THBS2: variants seen among roughly 807,000 people sequenced by gnomAD.
THBS2 encodes the protein thrombospondin 2, also known as thrombospondin-2.
In THBS2, 47 loss-of-function variants were observed where a neutral mutation model predicts 135.2. The ratio of observed to expected loss-of-function variants is 0.35; its 90% CI spans 0.28 to 0.44. THBS2 has a LOEUF of 0.44. Ranked by LOEUF, THBS2 falls within the 20% of genes least tolerant of loss-of-function variation. The pLI, the probability that THBS2 is intolerant of heterozygous loss-of-function variation, is 1.00. For missense variants in THBS2, 1,288 were observed against 1,603.1 expected, an observed-to-expected ratio of 0.80 and a Z score of 3.36; for synonymous variants, 639 against 633.8, an observed-to-expected ratio of 1.01 and a Z score of -0.12.
intron 15 of THBS2, 38 bp from the exon 16 acceptor site, chr6:169,226,336 C>G (rs1779628671): frequency 1.3e-6 from 2 of 1,521,686 alleles, no homozygotes; most frequent in Non-Finnish European, 1.8e-6. Context: ...CAAAAACAAA[C>G]CAGAAGGACA....
At chr6:169,220,093 T>G in intron 21 of THBS2, 105 bp downstream of exon 21, 1 of 1,416,034 alleles carries the variant, frequency 7.1e-7, no homozygotes, top group Non-Finnish European at 9.6e-7. Flanking sequence ...ATTAGGTTTA[T>G]TGCCCTGATG....
chr6:169,219,244 AGATGGATAGGTGGATGGGTGGGTG>A (rs1370084082), intron 21 of THBS2, among the ~76,000 whole-genome samples: 55 of 120,204 alleles, frequency 4.6e-4, no homozygotes, highest in African/African-American at 1.8e-3. Context: ...TGGATGGATT[AGATGGATAGGTGGATGGGTGGGTG>A]GATGGATGGA....
rs367985331 is a variant in THBS2, at chr6:169,241,861, C to T, written c.792G>A (p.Glu264=). Residue 264 remains glutamate (E), a synonymous_variant, in exon 5 of 22, where the codon GAG becomes GAA. Coordinates refer to ENST00000617924, the MANE Select transcript of THBS2 (RefSeq NM_003247.5). This position sits in a 1 kb window ranked among gnomAD's most constrained non-coding sequence, Gnocchi z 5.5. ...YVGPSSERRP[E]VCERSCEELG... ...GCTCCTCGCACGAGCGTTCGCACAC[C>T]TCGGGCCTCCTCTCCGAGCTGGGGC... 5 of 1,612,458 alleles carry T rather than the reference C, an allele frequency of 3.1e-6. No homozygotes were observed. The highest frequency in any genetic ancestry group is 1.7e-5 in the Admixed American group (1 of 60,000).
chr6:169,222,560 C>A, intron 18 of THBS2, 92 bp from the exon 19 acceptor site: 4 of 1,399,574 alleles, frequency 2.9e-6, no homozygotes, highest in Non-Finnish European at 3.0e-6. Flanking sequence ...TTTGAGAGGC[C>A]GAGGTGGGCA....
At chr6:169,222,808 GAAAA>G (rs757472145) in intron 18 of THBS2, among the ~76,000 whole-genome samples, 1 of 108,954 alleles carries the variant, frequency 9.2e-6, no homozygotes, top group Non-Finnish European at 2.0e-5. Flanking sequence ...AAAAAAAAAA[GAAAA>G]AAAAGAAAAA....
chr6:169,244,662 C>T (rs756190073), intron 4 of THBS2, among the ~76,000 whole-genome samples: 30 of 151,894 alleles, frequency 2.0e-4, no homozygotes, highest in Non-Finnish European at 4.1e-4. Flanking sequence ...ATTATTGCAA[C>T]AAAAAGTACC....
intron 21 of THBS2, among the ~76,000 whole-genome samples, chr6:169,219,413 G>GAT (rs1562352343): frequency 6.6e-6 from 1 of 151,882 alleles, no homozygotes; most frequent in Non-Finnish European, 1.5e-5. Flanking sequence ...GGATGGATGA[G>GAT]ATATATGGGT....
chr6:169,247,838 TGGGTGCCCAC>T (rs1001359548), intron 3 of THBS2, among the ~76,000 whole-genome samples: 9 of 151,914 alleles, frequency 5.9e-5, no homozygotes, highest in Admixed American at 1.3e-4. Flanking sequence ...TGTATGTGCA[TGGGTGCCCAC>T]GTAGGGTGTG....
rs144388204 is a variant in THBS2, at chr6:169,239,798, C to T, written c.1033-103G>A. ...GGTCGACAGAATGGCTGAATGTTTT[C>T]CATCCTACGGACCATACATTACAGA... On this transcript the variant is annotated intron_variant, in intron 6 of 21. Coordinates refer to ENST00000617924, the MANE Select transcript of THBS2 (RefSeq NM_003247.5). 3.6e-4 allele frequency: 309 copies of T among 865,976 alleles called. 1 individual carries two copies. Among genetic ancestry groups the T allele is most frequent in the Non-Finnish European group, 5.4e-4 (292 of 540,434 alleles). The allele number at this position is 865,976 out of a possible 1,614,324, so 53.6% of individuals were successfully genotyped here.
At chr6:169,231,471 T>G (rs560788453) in intron 13 of THBS2, among the ~76,000 whole-genome samples, 21 of 152,250 alleles carry the variant, frequency 1.4e-4, no homozygotes, top group African/African-American at 4.8e-4. Flanking sequence ...CGGGCCGTGG[T>G]GTTCGTTCCA....
intron 9 of THBS2, among the ~76,000 whole-genome samples, chr6:169,236,298 CCA>C (rs769691922): frequency 8.3e-6 from 1 of 119,938 alleles, no homozygotes; most frequent in East Asian, 3.0e-4. Flanking sequence ...TCATTCCCAT[CCA>C]CAGTCACTCC....
At chr6:169,227,030 GC>G (rs1176886374) in intron 15 of THBS2, among the ~76,000 whole-genome samples, 1 of 152,182 alleles carries the variant, frequency 6.6e-6, no homozygotes, top group Non-Finnish European at 1.5e-5. Flanking sequence ...GAGCCGAGGA[GC>G]CCCCTGGCCA....
chr6:169,239,186 T>C lies in THBS2; in HGVS notation c.1129+413A>G, dbSNP rs145705154. ...GAACATATTCTTCGGATAACAGTCT[T>C]TGGTTTTTGTTTGTCTGATTTTCTA... is the stretch of plus-strand genomic sequence containing the variant. On this transcript the variant is annotated intron_variant, in intron 7 of 21. Coordinates refer to ENST00000617924, the MANE Select transcript of THBS2 (RefSeq NM_003247.5). 294 of 175,860 alleles carry C rather than the reference T, an allele frequency of 1.7e-3. 2 individuals are homozygous for C. Among genetic ancestry groups the C allele is most frequent in the African/African-American group, 6.7e-3 (283 of 42,306 alleles). The allele number at this position is 175,860 out of a possible 1,614,324, so 10.9% of individuals were successfully genotyped here. A position where few individuals can be genotyped will look rare whatever the true frequency, so the allele number is the denominator to read the frequency against.
At chr6:169,232,253 C>T (rs1471023299) in intron 12 of THBS2, 55 bp from the exon 13 acceptor site, 18 of 1,591,688 alleles carry the variant, frequency 1.1e-5, no homozygotes, top group Admixed American at 1.0e-4. Flanking sequence ...GCTCCGGAGG[C>T]GTCGAGGCGG....
At chr6:169,248,277 G>T in intron 3 of THBS2, 140 bp downstream of exon 3, 1 of 993,088 alleles carries the variant, frequency 1.0e-6, no homozygotes, top group African/African-American at 1.6e-5. Flanking sequence ...ATGTGTGTGA[G>T]CACATGCCGG....
rs577401935 is a variant in THBS2, at chr6:169,241,850, C to T, written c.803G>A (p.Arg268His). 8.7e-6 allele frequency: 14 copies of T among 1,612,642 alleles called. No homozygotes were observed. The highest frequency in any genetic ancestry group is 2.2e-5 in the East Asian group (1 of 44,868). The change falls in exon 5 of 22, where the codon CGC (arginine) becomes CAC (histidine). Residue 268 changes from arginine (R) to histidine (H), a missense_variant. Physicochemically the swap from Arg to His is conservative, Grantham distance 29 (BLOSUM62 0). Transcript: ENST00000617924. The surrounding 1 kb of genome is among the most constrained non-coding windows in gnomAD (Gnocchi z 5.5). ...SSERRPEVCE[R>H]SCEELGNMVQ... ...CATGTTTCCCAGCTCCTCGCACGAGCGTTCGCACACCTCGGGCCTCCTCTC... is the reference window on the plus strand; with the variant it reads ...CATGTTTCCCAGCTCCTCGCACGAGTGTTCGCACACCTCGGGCCTCCTCTC...
intron 17 of THBS2, 142 bp downstream of exon 17, chr6:169,225,003 A>G (rs1402970363): frequency 1.5e-5 from 12 of 781,938 alleles, no homozygotes; most frequent in Non-Finnish European, 2.3e-5. Context: ...TATTGCATGG[A>G]CCCACAGCTT....
rs1295043272 is a variant in THBS2 at position 169,253,831 on chromosome 6, TC to T, written c.-131del. ...AGACCGGCCCTGCAGTGCAGGATGC[TC>T]CGGTGGACGTGGCCGAGCGGCTCCC... On this transcript the variant is annotated 5_prime_UTR_variant, in exon 1 of 22. Coordinates refer to ENST00000617924, the MANE Select transcript of THBS2 (RefSeq NM_003247.5). 2.0e-5 allele frequency: 3 copies of T among 152,252 alleles called. No individual in the cohort carries two copies. The highest frequency in any genetic ancestry group is 7.2e-5 in the African/African-American group (3 of 41,456). The allele number at this position is 152,252 out of a possible 1,614,324, so 9.4% of individuals were successfully genotyped here. A position where few individuals can be genotyped will look rare whatever the true frequency, so the allele number is the denominator to read the frequency against.
At chr6:169,251,553 G>T (rs1294409607) in intron 1 of THBS2, among the ~76,000 whole-genome samples, 1 of 152,160 alleles carries the variant, frequency 6.6e-6, no homozygotes, top group Non-Finnish European at 1.5e-5. Flanking sequence ...CCTCTTCCGG[G>T]CGAGCATGAG....
Sources: gnomAD v4.1 joint callset for allele counts (sites outside exome capture counted in the v4.1 genomes callset) on GRCh38, gnomAD v4.1.1 for gene constraint, Gnocchi (gnomAD v3.1) non-coding constraint, MANE v1.5 for transcripts, NCBI Gene and HGNC (gene_info 2026-07-23, HGNC 2026-07-21) for gene names.